Variants in AP2A1 observed in about 807,000 individuals in gnomAD.
AP2A1 encodes the protein adaptor related protein complex 2 subunit alpha 1.
A neutral mutation model predicts 107.3 loss-of-function variants in AP2A1; 21 were observed. The observed-to-expected ratio is 0.20, with a 90% CI of 0.14 to 0.28. The LOEUF (loss-of-function observed/expected upper bound fraction) is 0.28. Among genes scored for constraint, AP2A1 ranks in the 10% least tolerant of loss-of-function variants. The pLI, the probability that AP2A1 is intolerant of heterozygous loss-of-function variation, is 1.00. For missense variants in AP2A1, 873 were observed against 1,307.7 expected (o/e 0.67, Z 5.13); for synonymous variants, 602 against 564.8 (o/e 1.07, Z -0.93).
chr19:49,805,301 G>T (rs955604192), intron 18 of AP2A1, 152 bp from the exon 19 acceptor site: 4 of 934,950 alleles, frequency 4.3e-6, no homozygotes, highest in Non-Finnish European at 4.6e-6. Flanking sequence ...TATGAACTTT[G>T]TAGTTGAACC....
At position 49,806,889 on chromosome 19, in the gene AP2A1, C is replaced by T. The variant is rs2123777169; in HGVS notation, c.*131C>T. On this transcript the variant is annotated 3_prime_UTR_variant, in exon 23 of 23. Coordinates refer to ENST00000354293, the MANE Select transcript of AP2A1 (RefSeq NM_130787.3). ...GGTTTGGGGGATGCCTGGGACTTTC[C>T]TCCGGCCTTTTGTATTTTTATTTTT... The T allele has an allele frequency of 6.5e-7, 1 of 1,548,760 alleles. No individual in the cohort carries two copies. The highest frequency in any genetic ancestry group is 8.7e-7 in the Non-Finnish European group (1 of 1,151,754).
chr19:49,771,198 C>T (rs191696785), intron 1 of AP2A1, among the ~76,000 whole-genome samples: 197 of 150,494 alleles, frequency 1.3e-3, no homozygotes, highest in Middle Eastern at 3.4e-3. Context: ...CAGCTGGACA[C>T]GGCACATGCT....
intron 4 of AP2A1, among the ~76,000 whole-genome samples, chr19:49,787,707 C>T (rs937059496): frequency 1.6e-4 from 25 of 151,952 alleles, no homozygotes; most frequent in African/African-American, 5.8e-4. Context: ...TGATGCTGTG[C>T]AACAACCACT....
intron 1 of AP2A1, among the ~76,000 whole-genome samples, chr19:49,778,746 T>G (rs1445273647): frequency 6.6e-6 from 1 of 152,162 alleles, no homozygotes; most frequent in East Asian, 1.9e-4. Flanking sequence ...ACTGAAATGT[T>G]GATATGCGGG....
chr19:49,789,859 C>T (rs904697510), intron 4 of AP2A1, among the ~76,000 whole-genome samples: 2 of 152,170 alleles, frequency 1.3e-5, no homozygotes, highest in Non-Finnish European at 2.9e-5. Flanking sequence ...CTCATGCAGG[C>T]GTGTCTGACC....
intron 15 of AP2A1, 123 bp from the exon 16 acceptor site, chr19:49,802,826 G>T: frequency 8.2e-7 from 1 of 1,218,168 alleles, no homozygotes; most frequent in South Asian, 1.3e-5. Flanking sequence ...GAGGCTCTGT[G>T]AGGGGTCTGG....
At chr19:49,797,753 G>A (rs898741536) in intron 7 of AP2A1, among the ~76,000 whole-genome samples, 2 of 151,872 alleles carry the variant, frequency 1.3e-5, no homozygotes, top group Non-Finnish European at 2.9e-5. Context: ...TAAAAAAACA[G>A]AATATATATC....
chr19:49,795,206 C>T (rs2073197126), intron 6 of AP2A1, among the ~76,000 whole-genome samples: 1 of 152,180 alleles, frequency 6.6e-6, no homozygotes, highest in Non-Finnish European at 1.5e-5. Flanking sequence ...GGGAAACTGT[C>T]ACACAGAAGG....
At chr19:49,777,870 G>A (rs910023862) in intron 1 of AP2A1, among the ~76,000 whole-genome samples, 1 of 152,030 alleles carries the variant, frequency 6.6e-6, no homozygotes, top group African/African-American at 2.4e-5. Flanking sequence ...CAAGACTGCA[G>A]TGAGCTGAGA....
chr19:49,789,527 G>A (rs2073116060), intron 4 of AP2A1, among the ~76,000 whole-genome samples: 1 of 151,768 alleles, frequency 6.6e-6, no homozygotes, highest in Admixed American at 6.6e-5. Context: ...CTGACCTCAG[G>A]TGATCCACCT....
rs756518905 is a variant in AP2A1 at position 49,782,722 on chromosome 19, C to T, written c.471C>T (p.Ala157=). The change falls in exon 4 of 23, where the codon GCC becomes GCT. Residue 157 remains alanine (A), a splice_region_variant and synonymous_variant. Transcript: ENST00000354293. The part of the protein sequence containing the change: ...FAADIPRILV[A]GDSMDSVKQS... ...CTGACATCCCCCGCATCCTGGTGGC[C>T]GGGTAAGGCACTGGGGACCCGTTGG... 83 of 1,597,140 alleles carry T rather than the reference C, an allele frequency of 5.2e-5. 2 individuals carry two copies. The South Asian group carries it at 6.1e-4, about 12-fold the overall frequency.
intron 4 of AP2A1, 74 bp downstream of exon 4, chr19:49,782,798 A>G: frequency 6.8e-7 from 1 of 1,470,556 alleles, no homozygotes; most frequent in Non-Finnish European, 9.1e-7. Context: ...AGGCTCAGAG[A>G]GGCTCTGTTG....
At position 49,795,721 on chromosome 19, in the gene AP2A1, A is replaced by G. The variant is rs1469592391; in HGVS notation, c.797A>G (p.Gln266Arg). The G allele has an allele frequency of 1.3e-6, 2 of 1,556,986 alleles. No homozygotes were observed. Among genetic ancestry groups the G allele is most frequent in the Non-Finnish European group, 1.7e-6 (2 of 1,151,324 alleles). Reference sequence around the variant, plus strand: ...TCGGTGAAGCTCCTGCGGCTGCTGCAGTGCTACCCGCCTCCAGGTAATGAA... The same window carrying G: ...TCGGTGAAGCTCCTGCGGCTGCTGCGGTGCTACCCGCCTCCAGGTAATGAA... The part of the protein sequence containing the change: ...WLSVKLLRLL[Q>R]CYPPPEDAAV... The change falls in exon 7 of 23, where the codon CAG becomes CGG. Residue 266 changes from glutamine (Q) to arginine (R), a missense_variant. By Grantham distance (43) the Gln-to-Arg change is conservative (BLOSUM62 1). Coordinates refer to ENST00000354293, the MANE Select transcript of AP2A1 (RefSeq NM_130787.3).
rs1410546668 is a variant in AP2A1, at chr19:49,806,324, C to T, written c.2790+71C>T. On this transcript the variant is annotated intron_variant, in intron 22 of 22. Transcript: ENST00000354293. ...GTCATCTCTGCGTCCACCCTTCCTG[C>T]CTCACTGTTCTTTAATTCACGTCCC... is the stretch of plus-strand genomic sequence containing the variant. 4 of 1,479,588 alleles carry T rather than the reference C, an allele frequency of 2.7e-6. 1 individual carries two copies. The highest frequency in any genetic ancestry group is 4.4e-4 in the Middle Eastern group (2 of 4,546). 91.7% of individuals were successfully genotyped at this position (1,479,588 alleles called of 1,614,324 possible).
chr19:49,792,655 A>G (rs1218807213), intron 5 of AP2A1, among the ~76,000 whole-genome samples: 2 of 151,906 alleles, frequency 1.3e-5, no homozygotes, highest in Admixed American at 1.3e-4. Context: ...GATTCCCCCA[A>G]CAGCGCCCAT....
chr19:49,806,524 C>T (rs2073390434), intron 22 of AP2A1, 157 bp from the exon 23 acceptor site: 11 of 1,455,766 alleles, frequency 7.6e-6, no homozygotes, highest in South Asian at 1.5e-5. Flanking sequence ...TTCTTCCTCT[C>T]TGGCGCCTCT....
At chr19:49,771,344 G>A (rs2084555579) in intron 1 of AP2A1, among the ~76,000 whole-genome samples, 1 of 147,892 alleles carries the variant, frequency 6.8e-6, no homozygotes, top group Admixed American at 6.8e-5. Flanking sequence ...CCTGGAATTC[G>A]ATAGTAGTAA....
At chr19:49,784,873 A>G (rs998664627) in intron 4 of AP2A1, among the ~76,000 whole-genome samples, 26 of 152,164 alleles carry the variant, frequency 1.7e-4, no homozygotes, top group African/African-American at 6.0e-4. Context: ...GTCTAAACAA[A>G]CAAACAAAAA....
At chr19:49,801,921 G>A in intron 14 of AP2A1, 32 bp downstream of exon 14, 3 of 1,460,084 alleles carry the variant, frequency 2.1e-6, no homozygotes, top group South Asian at 1.4e-5. Flanking sequence ...CTGCCAGGGT[G>A]CCTGGGGCTG....
Sources: allele counts gnomAD v4.1 joint callset (sites outside exome capture counted in the v4.1 genomes callset), GRCh38; gene constraint gnomAD v4.1.1; transcripts MANE v1.5; gene names NCBI Gene and HGNC (gene_info 2026-07-23, HGNC 2026-07-21).